The following CNBD1 variants were observed in gnomAD, a reference collection of about 807,000 sequenced individuals.
CNBD1 encodes the protein cyclic nucleotide binding domain containing 1.
Under a neutral mutation model 54.4 loss-of-function variants are expected in CNBD1, and 71 were observed. The observed-to-expected ratio is 1.30, with a 90% confidence interval of 1.08 to 1.59. CNBD1 has a LOEUF of 1.59. Ranked by LOEUF, CNBD1 falls within the 40% of genes most tolerant of loss-of-function variation. The pLI, the probability that CNBD1 is intolerant of heterozygous loss-of-function variation, is 0.00. For synonymous variants in CNBD1, 182 were observed against 170.7 expected, an observed-to-expected ratio of 1.07 and a Z score of -0.51; for missense variants, 659 against 518.0, an observed-to-expected ratio of 1.27 and a Z score of -2.64.
intron 4 of CNBD1, among the ~76,000 whole-genome samples, chr8:87,156,881 T>G (rs1812754234): frequency 6.6e-6 from 1 of 152,098 alleles, no homozygotes; most frequent in Admixed American, 6.6e-5. Flanking sequence ...AAAAGGAGAA[T>G]TCTATATGCA....
At chr8:87,242,356 C>T (rs1168581500) in intron 6 of CNBD1, among the ~76,000 whole-genome samples, 1 of 151,328 alleles carries the variant, frequency 6.6e-6, no homozygotes, top group African/African-American at 2.5e-5. Flanking sequence ...TGATATGAAA[C>T]ATTTACAATC....
intron 4 of CNBD1, among the ~76,000 whole-genome samples, chr8:86,950,298 C>T (rs955974239): frequency 6.6e-6 from 1 of 151,904 alleles, no homozygotes; most frequent in Middle Eastern, 3.2e-3. Context: ...TTGAACTCCT[C>T]ACCTCATGAT....
chr8:87,323,746 A>C (rs1238635567), intron 8 of CNBD1, among the ~76,000 whole-genome samples: 1 of 130,018 alleles, frequency 7.7e-6, no homozygotes, highest in Non-Finnish European at 1.7e-5. Context: ...TGTCATCTGC[A>C]AACAGGGACA....
At chr8:86,897,129 GGGCCT>G (rs1380681523) in intron 2 of CNBD1, among the ~76,000 whole-genome samples, 2 of 152,154 alleles carry the variant, frequency 1.3e-5, no homozygotes, top group African/African-American at 4.8e-5. Context: ...ATGCTCCAAA[GGGCCT>G]CATGCTCTGC....
intron 4 of CNBD1, among the ~76,000 whole-genome samples, chr8:87,202,331 T>C (rs1312811290): frequency 6.6e-6 from 1 of 152,122 alleles, no homozygotes; most frequent in Non-Finnish European, 1.5e-5. Flanking sequence ...CAAGGAAAGA[T>C]ACAGAAGATT....
At chr8:87,108,527 C>T (rs571761568) in intron 4 of CNBD1, among the ~76,000 whole-genome samples, 1 of 152,256 alleles carries the variant, frequency 6.6e-6, no homozygotes, top group Non-Finnish European at 1.5e-5. Context: ...AAAAGCTTCA[C>T]AGGTGACTCT....
chr8:86,936,077 T>G (rs1412250658), intron 3 of CNBD1, among the ~76,000 whole-genome samples: 1 of 152,098 alleles, frequency 6.6e-6, no homozygotes, highest in African/African-American at 2.4e-5. Context: ...AGGCAGAGGT[T>G]GCAGTGAGCT....
intron 6 of CNBD1, among the ~76,000 whole-genome samples, chr8:87,262,765 C>A (rs74515025): frequency 6.6e-6 from 1 of 152,126 alleles, no homozygotes; most frequent in Non-Finnish European, 1.5e-5. Context: ...AATATAAACA[C>A]TTTAAAAGAT....
intron 10 of CNBD1, among the ~76,000 whole-genome samples, chr8:87,358,120 C>T (rs1332101678): frequency 6.6e-6 from 1 of 152,114 alleles, no homozygotes; most frequent in Non-Finnish European, 1.5e-5. Flanking sequence ...CATGCTTGTA[C>T]AACTTGCAGA....
chr8:87,414,802 A>G (rs1263791789), intron 2 of CNBD1, among the ~76,000 whole-genome samples: 1 of 151,938 alleles, frequency 6.6e-6, no homozygotes, highest in Non-Finnish European at 1.5e-5. Flanking sequence ...TTTTTTTACA[A>G]TTTAGTATAC....
chr8:86,871,804 C>T (rs150057014), intron 1 of CNBD1, among the ~76,000 whole-genome samples: 2 of 152,194 alleles, frequency 1.3e-5, no homozygotes, highest in African/African-American at 4.8e-5. Flanking sequence ...CCCACACAGC[C>T]AGCCCTCTTT....
At chr8:87,273,652 A>G (rs1202036763) in intron 6 of CNBD1, among the ~76,000 whole-genome samples, 1 of 152,008 alleles carries the variant, frequency 6.6e-6, no homozygotes, top group Non-Finnish European at 1.5e-5. Flanking sequence ...CAGTTACTTT[A>G]TCATGAATAT....
At chr8:87,059,605 G>A (rs1278027815) in intron 4 of CNBD1, among the ~76,000 whole-genome samples, 4 of 152,196 alleles carry the variant, frequency 2.6e-5, no homozygotes, top group Non-Finnish European at 5.9e-5. Context: ...CAGAGTGAAG[G>A]AGGTTGGGGA....
chr8:87,224,317 C>A (rs907215037), intron 5 of CNBD1, among the ~76,000 whole-genome samples: 2 of 150,240 alleles, frequency 1.3e-5, no homozygotes, highest in Admixed American at 6.6e-5. Flanking sequence ...AGTCCTTGCC[C>A]ATGCCTATGT....
rs140782016 is a variant in CNBD1 at position 87,217,726 on chromosome 8, A to G, written c.577+11588A>G. 1.2e-4 allele frequency among the ~76,000 whole-genome samples: 19 copies of G among 152,156 alleles called. 1 individual carries two copies. The highest frequency in any genetic ancestry group is 4.6e-4 in the African/African-American group (19 of 41,558). ...AAGAATGACTGAAGAAACCAATTCT[A>G]AAGCTCATATTATTGTTTTTGTAGA... On this transcript the variant is annotated intron_variant, in intron 5 of 10. Coordinates refer to ENST00000518476, the MANE Select transcript of CNBD1 (RefSeq NM_173538.3).
chr8:87,305,127 A>G (rs1190066311), intron 8 of CNBD1, among the ~76,000 whole-genome samples: 5 of 152,132 alleles, frequency 3.3e-5, no homozygotes, highest in African/African-American at 1.2e-4. Context: ...TAAGTGAAGA[A>G]TAAAATCGAG....
At chr8:87,349,709 G>GT (rs1265074563) in intron 8 of CNBD1, among the ~76,000 whole-genome samples, 1 of 152,162 alleles carries the variant, frequency 6.6e-6, no homozygotes, top group Non-Finnish European at 1.5e-5. Flanking sequence ...TTGAATTCAA[G>GT]TTTTTTGCCT....
chr8:87,274,320 G>T (rs2130860754), intron 6 of CNBD1, among the ~76,000 whole-genome samples: 1 of 149,294 alleles, frequency 6.7e-6, no homozygotes, highest in East Asian at 2.0e-4. Flanking sequence ...GGTATTTCTA[G>T]TTCTAGATCC....
intron 2 of CNBD1, among the ~76,000 whole-genome samples, chr8:87,392,917 C>A (rs1811337913): frequency 6.6e-6 from 1 of 151,830 alleles, no homozygotes; most frequent in Admixed American, 6.6e-5. Flanking sequence ...CTAGATGCAT[C>A]AGGGTAAACA....
Sources: gnomAD v4.1 joint callset for allele counts (sites outside exome capture counted in the v4.1 genomes callset) on GRCh38, gnomAD v4.1.1 for gene constraint, MANE v1.5 for transcripts, NCBI Gene and HGNC (gene_info 2026-07-23, HGNC 2026-07-21) for gene names.